The following DST variants were observed in gnomAD, a reference collection of about 807,000 sequenced individuals.
DST encodes the protein bullous pemphigoid antigen.
DST carries 253 observed loss-of-function variants against 875.2 expected under a neutral mutation model. The ratio of observed to expected loss-of-function variants is 0.29; its 90% CI spans 0.26 to 0.32. DST has a LOEUF of 0.32. Ranked by LOEUF, DST falls within the 10% of genes least tolerant of loss-of-function variation. The pLI is 1.00. For synonymous variants in DST, 3,124 were observed against 3,197.1 expected, an observed-to-expected ratio of 0.98 and a Z score of 0.77; for missense variants, 8,287 against 9,111.6, an observed-to-expected ratio of 0.91 and a Z score of 3.68.
chr6:56,774,194 A>G (rs1488191604), intron 4 of DST, among the ~76,000 whole-genome samples: 1 of 151,888 alleles, frequency 6.6e-6, no homozygotes, highest in Non-Finnish European at 1.5e-5. Flanking sequence ...ATGACTATCC[A>G]TGGTTCTCTA....
At chr6:56,796,753 A>C (rs13220851) in intron 4 of DST, among the ~76,000 whole-genome samples, 25,205 of 151,950 alleles carry the variant, frequency 0.17, 2,329 homozygotes, top group Non-Finnish European at 0.19. Context: ...ATTGTTATAT[A>C]CTGTAGTAAC....
chr6:56,752,624 C>A (rs942532721), intron 4 of DST, among the ~76,000 whole-genome samples: 1 of 152,150 alleles, frequency 6.6e-6, no homozygotes, highest in African/African-American at 2.4e-5. Flanking sequence ...ACATTTGGGA[C>A]TCATCCACAC....
intron 89 of DST, 79 bp downstream of exon 89, chr6:56,482,604 A>G: frequency 1.4e-6 from 2 of 1,468,298 alleles, no homozygotes; most frequent in Non-Finnish European, 1.9e-6. Context: ...AGGGCCTCAC[A>G]ATTTTTTACT....
chr6:56,565,191 G>A (rs151003190), intron 55 of DST, among the ~76,000 whole-genome samples: 29 of 149,808 alleles, frequency 1.9e-4, no homozygotes, highest in African/African-American at 7.2e-4. Context: ...CACAATCTCG[G>A]CTCACCGCAA....
chr6:56,704,543 A>T (rs1425013736), intron 5 of DST, among the ~76,000 whole-genome samples, 174 bp from the exon 6 acceptor site: 2 of 152,236 alleles, frequency 1.3e-5, no homozygotes, highest in African/African-American at 4.8e-5. Context: ...TTAAAAACTT[A>T]AAAAAGTGAA....
chr6:56,517,364 A>G, intron 70 of DST, 59 bp from the exon 71 acceptor site: 1 of 1,590,590 alleles, frequency 6.3e-7, no homozygotes, highest in Admixed American at 1.7e-5. Context: ...ACTAAAATGA[A>G]AACAATTAGG....
At chr6:56,862,002 T>C (rs1231007282) in intron 3 of DST, 5 of 152,194 alleles carry the variant, frequency 3.3e-5, no homozygotes, top group African/African-American at 1.2e-4. Flanking sequence ...AGCAGCTGTT[T>C]CTTATGTACT....
intron 4 of DST, among the ~76,000 whole-genome samples, chr6:56,797,902 T>C (rs559585449): frequency 2.1e-5 from 3 of 146,146 alleles, no homozygotes; most frequent in Admixed American, 2.0e-4. Flanking sequence ...AAAGTTTCAG[T>C]GATCTAGACA....
chr6:56,507,121 T>A (rs2096341954), intron 75 of DST, among the ~76,000 whole-genome samples: 1 of 152,170 alleles, frequency 6.6e-6, no homozygotes, highest in South Asian at 2.1e-4. Flanking sequence ...CAATATACAT[T>A]TAACATAGAC....
intron 3 of DST, among the ~76,000 whole-genome samples, chr6:56,866,799 A>G (rs1774348139): frequency 6.6e-6 from 1 of 152,226 alleles, no homozygotes; most frequent in African/African-American, 2.4e-5. Context: ...TGGCAAACCC[A>G]TAGCAGGTGC....
chr6:56,490,324 C>T (rs1027412731), intron 85 of DST, among the ~76,000 whole-genome samples: 15 of 152,066 alleles, frequency 9.9e-5, no homozygotes, highest in African/African-American at 2.9e-4. Flanking sequence ...AGTTTCTTTT[C>T]GGTTTGTCAT....
chr6:56,465,867 TAAAA>T (rs11359681), intron 99 of DST, among the ~76,000 whole-genome samples: 2 of 112,412 alleles, frequency 1.8e-5, no homozygotes, highest in Admixed American at 9.3e-5. Flanking sequence ...CCAGAAAAAG[TAAAA>T]AAAAAAAAAA....
At chr6:56,527,841 G>T in intron 67 of DST, 107 bp from the exon 68 acceptor site, 1 of 1,142,026 alleles carries the variant, frequency 8.8e-7, no homozygotes, top group Non-Finnish European at 1.2e-6. Context: ...AACAAAAGGA[G>T]ACATTTTTCT....
chr6:56,504,966 C>A (rs867777112), intron 77 of DST, among the ~76,000 whole-genome samples: 2 of 152,102 alleles, frequency 1.3e-5, no homozygotes, highest in South Asian at 4.1e-4. Context: ...CTCAAGTGAT[C>A]CTCCCACCTC....
chr6:56,530,172 G>A (rs1305976965), intron 64 of DST, 39 bp from the exon 65 acceptor site: 3 of 1,470,076 alleles, frequency 2.0e-6, no homozygotes, highest in Non-Finnish European at 2.7e-6. Flanking sequence ...GATGAAGAAT[G>A]TGTGAAATAT....
At chr6:56,860,776 C>T (rs1431112118) in intron 3 of DST, among the ~76,000 whole-genome samples, 1 of 152,206 alleles carries the variant, frequency 6.6e-6, no homozygotes, top group East Asian at 1.9e-4. Flanking sequence ...GACACAGAAA[C>T]TAGAAGTTAT....
intron 3 of DST, among the ~76,000 whole-genome samples, chr6:56,896,181 T>TCAA (rs1791188375): frequency 6.6e-6 from 1 of 150,716 alleles, no homozygotes; most frequent in African/African-American, 2.5e-5. Context: ...ATCTCCACAC[T>TCAA]GTTTTCCATA....
chr6:56,590,263 A>G (rs546393993), intron 49 of DST, among the ~76,000 whole-genome samples: 13 of 152,114 alleles, frequency 8.5e-5, no homozygotes, highest in Non-Finnish European at 1.8e-4. Flanking sequence ...ATTTATCCAC[A>G]TATCTGTTTA....
chr6:56,928,154 G>A (rs1808201132), intron 2 of DST, among the ~76,000 whole-genome samples: 1 of 152,148 alleles, frequency 6.6e-6, no homozygotes, highest in African/African-American at 2.4e-5. Flanking sequence ...GGCTGGCTCT[G>A]GCAATCTAGA....
Sources: allele counts gnomAD v4.1 joint callset (sites outside exome capture counted in the v4.1 genomes callset), GRCh38; gene constraint gnomAD v4.1.1; transcripts MANE v1.5; gene names NCBI Gene and HGNC (gene_info 2026-07-23, HGNC 2026-07-21).